Variants in PDXDC1 observed in about 807,000 individuals in gnomAD.
PDXDC1 encodes pyridoxal dependent decarboxylase domain containing 1, also known as pyridoxal-dependent decarboxylase domain-containing protein 1.
PDXDC1 carries 42 observed loss-of-function variants against 100.1 expected under a neutral mutation model. The observed-to-expected ratio is 0.42, with a 90% CI of 0.33 to 0.54. The LOEUF (loss-of-function observed/expected upper bound fraction) is 0.54. Among genes scored for constraint, PDXDC1 ranks in the 20% least tolerant of loss-of-function variants. The pLI is 0.10. For synonymous variants in PDXDC1, 260 were observed against 371.7 expected (o/e 0.70, Z 3.46); for missense variants, 636 against 979.2 (o/e 0.65, Z 4.68).
chr16:15,028,669 TTC>T (rs1180437422), intron 14 of PDXDC1, among the ~76,000 whole-genome samples: 1 of 152,310 alleles, frequency 6.6e-6, no homozygotes, highest in Admixed American at 6.5e-5. Context: ...AAATTAATAA[TTC>T]TGTCTTATGT....
chr16:15,072,562 G>C (rs147714412), intron 16 of PDXDC1, among the ~76,000 whole-genome samples: 1 of 152,094 alleles, frequency 6.6e-6, no homozygotes, highest in East Asian at 1.9e-4. Flanking sequence ...AACGCTTTGC[G>C]GGGCAGGAGG....
intron 16 of PDXDC1, chr16:15,091,393 T>C (rs1182547956): frequency 6.5e-7 from 1 of 1,546,510 alleles, no homozygotes; most frequent in African/African-American, 1.4e-5. Flanking sequence ...GGGGAAAGAA[T>C]TAAGTTATGC....
intron 16 of PDXDC1, among the ~76,000 whole-genome samples, chr16:15,103,923 G>A (rs1262314252): frequency 3.1e-5 from 1 of 32,252 alleles, no homozygotes; most frequent in Non-Finnish European, 6.5e-5. Context: ...AATAAACAGT[G>A]TAAATGTTTA....
chr16:15,063,704 CAAAA>C (rs10664930), intron 16 of PDXDC1, among the ~76,000 whole-genome samples: 2 of 89,128 alleles, frequency 2.2e-5, no homozygotes, highest in African/African-American at 1.0e-4. Context: ...GACTCTGTCT[CAAAA>C]AAAAAAAAAA....
chr16:14,998,514 G>T, intron 3 of PDXDC1, 109 bp downstream of exon 3: 1 of 1,219,454 alleles, frequency 8.2e-7, no homozygotes, highest in East Asian at 2.6e-5. Flanking sequence ...GCACAATCTG[G>T]GCTCGCTGCA....
chr16:15,077,877 C>T lies in PDXDC1; in HGVS notation c.1399+47821C>T, dbSNP rs367915589. ...AAAAACATCTCTTTTTCTTCCCAGGCTCAGCTATGTCTTTATCAGCAGTGT... is the reference window on the plus strand; with the variant it reads ...AAAAACATCTCTTTTTCTTCCCAGGTTCAGCTATGTCTTTATCAGCAGTGT... On this transcript the variant is annotated intron_variant, in intron 16 of 16. Coordinates refer to the PDXDC1 transcript ENST00000535621. Among the ~76,000 whole-genome samples the T allele has an allele frequency of 2.2e-4, 33 of 152,198 alleles. No homozygotes were observed. The East Asian group carries it at 5.6e-3, about 26-fold the overall frequency.
At chr16:15,127,199 T>G (rs1334302756) in intron 16 of PDXDC1, 21 of 411,558 alleles carry the variant, frequency 5.1e-5, no homozygotes, top group South Asian at 2.4e-4. Context: ...CGTGCTTGCT[T>G]CTTCTGAGTT....
chr16:15,094,321 A>C (rs1168002945), intron 16 of PDXDC1: 1 of 1,234,778 alleles, frequency 8.1e-7, no homozygotes, highest in Non-Finnish European at 1.1e-6. Flanking sequence ...TGCGCGTGCC[A>C]GCGCAACCTT....
At chr16:15,082,434 AG>A (rs1173939479) in intron 16 of PDXDC1, among the ~76,000 whole-genome samples, 5 of 152,102 alleles carry the variant, frequency 3.3e-5, no homozygotes, top group Non-Finnish European at 7.4e-5. Context: ...ACACTTTGCG[AG>A]GTGGAGACGG....
At chr16:15,091,955 G>C (rs1387902580) in intron 16 of PDXDC1, among the ~76,000 whole-genome samples, 4 of 152,270 alleles carry the variant, frequency 2.6e-5, no homozygotes, top group Non-Finnish European at 1.5e-5. Context: ...AAGGCGGGTG[G>C]ATCACAAGGT....
chr16:15,042,994 G>A (rs1398321243), downstream of PDXDC1, among the ~76,000 whole-genome samples: 3 of 148,798 alleles, frequency 2.0e-5, no homozygotes, highest in Non-Finnish European at 4.4e-5. Flanking sequence ...TATACCTCCC[G>A]GGTTCAAGCG....
chr16:15,013,448 T>C (rs548652532), intron 8 of PDXDC1, among the ~76,000 whole-genome samples: 1 of 151,986 alleles, frequency 6.6e-6, no homozygotes, highest in South Asian at 2.1e-4. Context: ...AGGGTAATTA[T>C]ATTGGGGTTG....
At position 15,003,503 on chromosome 16, in the gene PDXDC1, A is replaced by G. The variant is rs539536847; in HGVS notation, c.243-684A>G. 1.1e-4 allele frequency among the ~76,000 whole-genome samples: 17 copies of G among 152,270 alleles called. No homozygotes were observed. In the South Asian group the frequency reaches 3.3e-3, roughly 30 times the overall value. ...AGTGCTGGGATTACAGGCATGAGCC[A>G]CTGCGCCTGGCCAGGATTTAGTTCT... is the stretch of plus-strand genomic sequence containing the variant. On this transcript the variant is annotated intron_variant, in intron 4 of 22. Coordinates refer to ENST00000396410, the MANE Select transcript of PDXDC1 (RefSeq NM_015027.4).
At chr16:15,043,874 G>C (rs1389324443) in intron 16 of PDXDC1, among the ~76,000 whole-genome samples, 1 of 152,074 alleles carries the variant, frequency 6.6e-6, no homozygotes, top group Non-Finnish European at 1.5e-5. Flanking sequence ...CTTGAACCCA[G>C]GAGGCAGAGC....
intron 16 of PDXDC1, among the ~76,000 whole-genome samples, chr16:15,100,385 G>A (rs1356281965): frequency 1.3e-5 from 2 of 152,106 alleles, no homozygotes; most frequent in Non-Finnish European, 2.9e-5. Flanking sequence ...ATATGTGTAT[G>A]TATACATACA....
At chr16:15,075,123 G>A (rs2045396200) in intron 16 of PDXDC1, among the ~76,000 whole-genome samples, 2 of 151,656 alleles carry the variant, frequency 1.3e-5, no homozygotes, top group Admixed American at 6.6e-5. Flanking sequence ...GGTGGTGCAC[G>A]CCTGTAATTC....
intron 1 of PDXDC1, among the ~76,000 whole-genome samples, chr16:14,992,584 G>C (rs1273768643): frequency 5.3e-5 from 8 of 152,284 alleles, no homozygotes; most frequent in Non-Finnish European, 1.0e-4. Flanking sequence ...CATAGTTAAA[G>C]TGGTGAATTT....
the PDXDC1 span, among the ~76,000 whole-genome samples, chr16:15,149,654 G>C: frequency 6.6e-6 from 1 of 152,212 alleles, no homozygotes. Flanking sequence ...GCAAGGCCCT[G>C]GGTGCTCCTA....
intron 16 of PDXDC1, among the ~76,000 whole-genome samples, chr16:15,093,642 T>C (rs983362706): frequency 1.8e-4 from 28 of 152,226 alleles, no homozygotes; most frequent in African/African-American, 2.2e-4. Context: ...CATAGCATCC[T>C]AATGACTCTG....
Sources: gnomAD v4.1 joint callset for allele counts (sites outside exome capture counted in the v4.1 genomes callset) on GRCh38, gnomAD v4.1.1 for gene constraint, MANE v1.5 for transcripts, NCBI Gene and HGNC (gene_info 2026-07-23, HGNC 2026-07-21) for gene names.